The following COL10A1 variants were observed in gnomAD, a reference collection of about 807,000 sequenced individuals.
COL10A1 encodes collagen alpha-1(X) chain.
COL10A1 carries 10 observed loss-of-function variants against 18.2 expected under a neutral mutation model. The observed-to-expected ratio is 0.55, with a 90% CI of 0.34 to 0.93. The LOEUF is 0.93. Among genes scored for constraint, COL10A1 ranks in the 40% least tolerant of loss-of-function variants. The pLI is 0.02. For synonymous variants in COL10A1, 330 were observed against 316.6 expected (o/e 1.04, Z -0.45); for missense variants, 897 against 853.5 (o/e 1.05, Z -0.64).
intron 2 of COL10A1, among the ~76,000 whole-genome samples, chr6:116,124,477 A>G (rs1752658934): frequency 6.6e-6 from 1 of 152,200 alleles, no homozygotes; most frequent in African/African-American, 2.4e-5. Flanking sequence ...GTAACCAAGA[A>G]AACTGGACAG....
At chr6:116,186,963 T>G in the COL10A1 span, among the ~76,000 whole-genome samples, 3 of 152,068 alleles carry the variant, frequency 2.0e-5, no homozygotes, top group Non-Finnish European at 2.9e-5. Flanking sequence ...ACCAGAATTG[T>G]TTTTCTGGTT....
chr6:116,147,905 G>C (rs1375628280), intron 1 of COL10A1, among the ~76,000 whole-genome samples: 1 of 151,858 alleles, frequency 6.6e-6, no homozygotes, highest in Non-Finnish European at 1.5e-5. Flanking sequence ...GGAATCGCTT[G>C]AACCTGGGAG....
chr6:116,178,062 T>C, the COL10A1 span, among the ~76,000 whole-genome samples: 9 of 101,124 alleles, frequency 8.9e-5, no homozygotes, highest in African/African-American at 4.0e-4. Flanking sequence ...AGTGTGTGTG[T>C]GTGTGTGTGT....
the COL10A1 span, among the ~76,000 whole-genome samples, chr6:116,182,545 C>G: frequency 2.6e-5 from 4 of 151,936 alleles, no homozygotes; most frequent in Non-Finnish European, 5.9e-5. Flanking sequence ...CACGCCAACA[C>G]CTATTTTTTT....
chr6:116,121,668 C>T lies in COL10A1; in HGVS notation c.448G>A (p.Ala150Thr). The change falls in exon 3 of 3, where the codon GCT becomes ACT. Residue 150 changes from alanine (A) to threonine (T), a missense_variant. By Grantham distance (58) the Ala-to-Thr change is moderately conservative. Coordinates refer to ENST00000651968, the MANE Select transcript of COL10A1 (RefSeq NM_000493.4). ...PPGPPGIPGP[A>T]GISVPGKPGQ... ...GGTTTTCCTGGCACAGAAATTCCAG[C>T]CGGTCCAGGGATTCCAGGTGGTCCT... 6.2e-7 allele frequency: 1 copy of T among 1,613,886 alleles called. No individual in the cohort carries two copies. Among genetic ancestry groups the T allele is most frequent in the Non-Finnish European group, 8.5e-7 (1 of 1,179,820 alleles).
At chr6:116,163,420 A>T (rs986278249), upstream of COL10A1, among the ~76,000 whole-genome samples, 1 of 151,904 alleles carries the variant, frequency 6.6e-6, no homozygotes, top group African/African-American at 2.4e-5. Context: ...AGAGATGTTC[A>T]TAGTAGTTTC....
At chr6:116,131,942 T>C (rs942956854) in intron 1 of COL10A1, among the ~76,000 whole-genome samples, 6 of 152,208 alleles carry the variant, frequency 3.9e-5, no homozygotes, top group Non-Finnish European at 8.8e-5. Context: ...GTTCTGTTCC[T>C]GTATTAGTTT....
the COL10A1 span, among the ~76,000 whole-genome samples, chr6:116,180,341 G>A: frequency 1.2e-4 from 19 of 152,074 alleles, no homozygotes; most frequent in South Asian, 3.7e-3. Flanking sequence ...TAACTCATTG[G>A]TGCAGGACAG....
intron 1 of COL10A1, chr6:116,145,379 TA>T: frequency 3.2e-6 from 1 of 317,204 alleles, no homozygotes. Flanking sequence ...AAATTGATGG[TA>T]AGAAGAAATG....
chr6:116,203,439 A>G, the COL10A1 span, among the ~76,000 whole-genome samples: 3 of 151,780 alleles, frequency 2.0e-5, no homozygotes, highest in African/African-American at 7.3e-5. Context: ...ATTTTGTCTC[A>G]TTTTTTATTT....
chr6:116,121,260 C>G lies in COL10A1; in HGVS notation c.856G>C (p.Ala286Pro). The G allele has an allele frequency of 1.2e-6, 2 of 1,613,916 alleles. No homozygotes were observed. Among genetic ancestry groups the G allele is most frequent in the Non-Finnish European group, 1.7e-6 (2 of 1,179,952 alleles). ...GIPGTKGLPGAPGIAGPPGPP... is the reference protein window; with the variant it reads ...GIPGTKGLPGPPGIAGPPGPP... ...CCTGGGGGCCCAGCTATTCCTGGAG[C>G]CCCAGGGAGACCTTTTGTTCCTGGA... Residue 286 changes from alanine to proline, a missense_variant, in exon 3 of 3, where the codon GCT becomes CCT. Ala to Pro is a conservative substitution (Grantham distance 27, BLOSUM62 -1). Transcript: ENST00000651968.
At chr6:116,178,078 TGTGTGTGTGTGCGC>T in the COL10A1 span, among the ~76,000 whole-genome samples, 33 of 111,304 alleles carry the variant, frequency 3.0e-4, no homozygotes, top group South Asian at 5.4e-4. Context: ...TGTGTGTGTG[TGTGTGTGTGTGCGC>T]GCGCGCGCGC....
At chr6:116,145,357 A>C (rs1334276954) in intron 1 of COL10A1, 1 of 278,838 alleles carries the variant, frequency 3.6e-6, no homozygotes, top group Non-Finnish European at 8.1e-6. Flanking sequence ...ATGCTAAAAA[A>C]AAATCAACAT....
upstream of COL10A1, among the ~76,000 whole-genome samples, chr6:116,161,740 A>G (rs1335344089): frequency 2.6e-5 from 4 of 152,124 alleles, no homozygotes; most frequent in Non-Finnish European, 5.9e-5. Context: ...GAATTTTATA[A>G]TTGTTTTTTC....
chr6:116,165,685 T>C, the COL10A1 span, among the ~76,000 whole-genome samples: 30 of 152,342 alleles, frequency 2.0e-4, no homozygotes, highest in African/African-American at 7.0e-4. Context: ...AGTTTGTACC[T>C]GCATTTCCTT....
chr6:116,203,938 A>C, the COL10A1 span, among the ~76,000 whole-genome samples: 1 of 151,894 alleles, frequency 6.6e-6, no homozygotes, highest in Non-Finnish European at 1.5e-5. Flanking sequence ...TTTAGAGAAC[A>C]CCAGTAGTTT....
the COL10A1 span, among the ~76,000 whole-genome samples, chr6:116,216,888 A>G: frequency 6.4e-4 from 98 of 152,320 alleles, 2 homozygotes; most frequent in African/African-American, 2.3e-3. Flanking sequence ...TTAGCTGTTC[A>G]CTAGCGTGCT....
upstream of COL10A1, among the ~76,000 whole-genome samples, chr6:116,160,674 T>A (rs929219430): frequency 6.6e-6 from 1 of 152,224 alleles, no homozygotes; most frequent in Admixed American, 6.5e-5. Context: ...TGTTGAGGTC[T>A]TCGTCATAAA....
At position 116,122,063 on chromosome 6, in the gene COL10A1, G is replaced by A. The variant is rs556519497; in HGVS notation, c.155-102C>T. 2.5e-5 allele frequency: 25 copies of A among 1,010,074 alleles called. No homozygotes were observed. The South Asian group carries it at 3.1e-4, about 12-fold the overall frequency. 62.6% of individuals were successfully genotyped at this position (1,010,074 alleles called of 1,614,324 possible). A position where few individuals can be genotyped will look rare whatever the true frequency, so the allele number is the denominator to read the frequency against. ...CTATGAATTGGGACACGATATTTCA[G>A]CATCATTTATTCCATGTAGACAGAA... On this transcript the variant is annotated intron_variant, in intron 2 of 2. Transcript: ENST00000651968.
Sources: allele counts gnomAD v4.1 joint callset (sites outside exome capture counted in the v4.1 genomes callset), GRCh38; gene constraint gnomAD v4.1.1; transcripts MANE v1.5; gene names NCBI Gene and HGNC (gene_info 2026-07-23, HGNC 2026-07-21).